The following HDAC9 variants were observed in gnomAD, a reference collection of about 807,000 sequenced individuals.
HDAC9 encodes the protein histone deacetylase 9.
HDAC9 carries 41 observed loss-of-function variants against 139.4 expected under a neutral mutation model. That is an observed-to-expected ratio of 0.29 (90% CI 0.23 to 0.38). The LOEUF (loss-of-function observed/expected upper bound fraction) is 0.38. Among genes scored for constraint, HDAC9 ranks in the 10% least tolerant of loss-of-function variants. The probability of loss-of-function intolerance (pLI) is 1.00; values close to 1 mark genes in which losing one functional copy is unlikely to be tolerated. For synonymous variants in HDAC9, 517 were observed against 476.2 expected (o/e 1.09, Z -1.12); for missense variants, 1,147 against 1,297.0 (o/e 0.88, Z 1.78).
At position 18,751,971 on chromosome 7, in the gene HDAC9, A is replaced by T. The variant is rs541300685; in HGVS notation, c.2043+2833A>T. Among the ~76,000 whole-genome samples the T allele has an allele frequency of 5.3e-5, 8 of 152,210 alleles. 1 individual carries two copies. The East Asian group carries it at 1.2e-3, about 22-fold the overall frequency. ...AGTCCATTTTTTTTTTACTAAACAC[A>T]ATGGAAGCAACTGATATATGTTCCT... On this transcript the variant is annotated intron_variant, in intron 14 of 25. Transcript: ENST00000686413.
chr7:18,524,221 T>A (rs1263561059), intron 2 of HDAC9, among the ~76,000 whole-genome samples: 1 of 152,162 alleles, frequency 6.6e-6, no homozygotes, highest in Non-Finnish European at 1.5e-5. Context: ...TTCATGTAAT[T>A]AACTGCCATA....
At chr7:18,245,362 G>C (rs1794456386) in intron 2 of HDAC9, among the ~76,000 whole-genome samples, 1 of 152,088 alleles carries the variant, frequency 6.6e-6, no homozygotes, top group Admixed American at 6.5e-5. Flanking sequence ...TATGTATCTG[G>C]AAGCTCTTAG....
intron 21 of HDAC9, among the ~76,000 whole-genome samples, chr7:18,869,775 G>T (rs1038031357): frequency 6.6e-6 from 1 of 152,064 alleles, no homozygotes; most frequent in South Asian, 2.1e-4. Flanking sequence ...AAAAAACACC[G>T]GTTTAGAGAG....
intron 19 of HDAC9, among the ~76,000 whole-genome samples, chr7:18,832,804 C>T (rs568177072): frequency 2.1e-4 from 32 of 152,154 alleles, no homozygotes; most frequent in South Asian, 2.1e-4. Flanking sequence ...GGCACGATCT[C>T]GGCTCACCGC....
chr7:18,743,553 A>G (rs1787646904), intron 13 of HDAC9, among the ~76,000 whole-genome samples: 1 of 151,624 alleles, frequency 6.6e-6, no homozygotes, highest in South Asian at 2.1e-4. Context: ...AATGCTGCAG[A>G]TAGTTATCAC....
chr7:18,140,092 T>C (rs1345215023), intron 1 of HDAC9, among the ~76,000 whole-genome samples: 1 of 152,094 alleles, frequency 6.6e-6, no homozygotes, highest in Non-Finnish European at 1.5e-5. Context: ...CAGTCCATGA[T>C]GAAAGCCATG....
At chr7:18,269,533 A>T (rs1454960550) in intron 2 of HDAC9, among the ~76,000 whole-genome samples, 1 of 152,116 alleles carries the variant, frequency 6.6e-6, no homozygotes, top group Non-Finnish European at 1.5e-5. Context: ...GAGTTTACTG[A>T]TCAGTATATG....
chr7:18,726,323 T>G (rs561191183), intron 12 of HDAC9, among the ~76,000 whole-genome samples: 1 of 152,260 alleles, frequency 6.6e-6, no homozygotes, highest in East Asian at 1.9e-4. Flanking sequence ...GTATGACCTG[T>G]GATGGCACAT....
intron 2 of HDAC9, among the ~76,000 whole-genome samples, chr7:18,251,952 T>G (rs549587065): frequency 6.6e-6 from 1 of 152,308 alleles, no homozygotes; most frequent in South Asian, 2.1e-4. Flanking sequence ...GAGTGCACTT[T>G]CCATGAATGA....
intron 1 of HDAC9, among the ~76,000 whole-genome samples, chr7:18,417,428 A>G (rs1047809597): frequency 1.3e-5 from 2 of 152,100 alleles, no homozygotes; most frequent in African/African-American, 2.4e-5. Flanking sequence ...ACTATGGGTC[A>G]TATTTTTCTG....
intron 1 of HDAC9, among the ~76,000 whole-genome samples, chr7:18,433,623 A>G (rs541443436): frequency 1.3e-5 from 2 of 152,140 alleles, no homozygotes; most frequent in Non-Finnish European, 1.5e-5. Context: ...TACACCAACA[A>G]CATCCAAGCT....
intron 1 of HDAC9, among the ~76,000 whole-genome samples, chr7:18,445,328 ACTATAGGCTATTTTT>A (rs1792187361): frequency 6.6e-6 from 1 of 152,178 alleles, no homozygotes; most frequent in African/African-American, 2.4e-5. Context: ...ATAGTTTTCT[ACTATAGGCTATTTTT>A]CAATGAGTTG....
Position 18,996,055 on chromosome 7 carries a change from C to T in HDAC9, c.3203C>T (p.Ala1068Val), listed in dbSNP as rs201619109. The T allele has an allele frequency of 6.2e-6, 10 of 1,604,604 alleles. No individual in the cohort carries two copies. The African/African-American group carries it at 1.3e-4, about 21-fold the overall frequency. The change falls in exon 26 of 26, where the codon GCC (alanine) becomes GTC (valine). Residue 1068 changes from alanine (A) to valine (V), a missense_variant. Transcript: ENST00000686413. ...TAGEPMEEEP[A>V]L is the part of the protein sequence containing the mutation. ...GGTGAGCCTATGGAAGAGGAGCCAG[C>T]CTTGTGAAGTGCCAAGTCCCCCTCT...
upstream of HDAC9, among the ~76,000 whole-genome samples, chr7:18,491,708 G>A (rs187033333): frequency 8.6e-5 from 13 of 152,034 alleles, no homozygotes; most frequent in East Asian, 1.6e-3. Flanking sequence ...TGCAGTTCTC[G>A]TGGAATCAAA....
intron 1 of HDAC9, among the ~76,000 whole-genome samples, chr7:18,336,216 A>G (rs1226591385): frequency 6.6e-6 from 1 of 151,610 alleles, no homozygotes; most frequent in Non-Finnish European, 1.5e-5. Flanking sequence ...ATCAGGTCAA[A>G]CAGATGTTAT....
chr7:18,300,786 A>G (rs984598683), intron 1 of HDAC9, among the ~76,000 whole-genome samples: 3 of 152,182 alleles, frequency 2.0e-5, no homozygotes, highest in African/African-American at 7.2e-5. Flanking sequence ...TAAATTTTGC[A>G]TATATTCTAG....
At chr7:18,526,904 A>G (rs1205735527) in intron 2 of HDAC9, among the ~76,000 whole-genome samples, 1 of 152,158 alleles carries the variant, frequency 6.6e-6, no homozygotes, top group Non-Finnish European at 1.5e-5. Context: ...CTAGTCAATA[A>G]GAAATTCAGA....
At position 18,828,175 on chromosome 7, in the gene HDAC9, A is replaced by G. The variant is rs369082568; in HGVS notation, c.2323-986A>G. Among the ~76,000 whole-genome samples, 11 of 152,304 alleles carry G rather than the reference A, an allele frequency of 7.2e-5. No individual in the cohort carries two copies. The East Asian group carries it at 2.1e-3, about 29-fold the overall frequency. ...ATAGATTAGTTTTCTCAATATTTTT[A>G]TATATGCAGTAAAAGTTTTGAAAAA... is the stretch of plus-strand genomic sequence containing the variant. On this transcript the variant is annotated intron_variant, in intron 17 of 25. Coordinates refer to ENST00000686413, the MANE Select transcript of HDAC9 (RefSeq NM_178425.4).
intron 1 of HDAC9, among the ~76,000 whole-genome samples, chr7:18,389,131 T>G (rs1786224353): frequency 6.6e-6 from 1 of 152,228 alleles, no homozygotes; most frequent in South Asian, 2.1e-4. Flanking sequence ...TTGCCAGTAT[T>G]CCAGCTTGTT....
Sources: gnomAD v4.1 joint callset for allele counts (sites outside exome capture counted in the v4.1 genomes callset) on GRCh38, gnomAD v4.1.1 for gene constraint, MANE v1.5 for transcripts, NCBI Gene and HGNC (gene_info 2026-07-23, HGNC 2026-07-21) for gene names.